Variants in JAM3 observed in about 807,000 individuals in gnomAD.
JAM3 encodes the protein junctional adhesion molecule 3, also known as junctional adhesion molecule C.
A neutral mutation model predicts 39.4 loss-of-function variants in JAM3; 31 were observed. The ratio of observed to expected loss-of-function variants is 0.79; its 90% CI spans 0.59 to 1.06. JAM3 has a LOEUF of 1.06. Ranked by LOEUF, JAM3 falls within the 50% of genes least tolerant of loss-of-function variation. The probability of loss-of-function intolerance (pLI) is 0.00; values close to 1 mark genes in which losing one functional copy is unlikely to be tolerated. For synonymous variants in JAM3, 182 were observed against 148.7 expected (o/e 1.22, Z -1.63); for missense variants, 455 against 391.4 (o/e 1.16, Z -1.37).
chr11:134,125,256 T>C (rs1394587444), intron 1 of JAM3, among the ~76,000 whole-genome samples: 1 of 152,206 alleles, frequency 6.6e-6, no homozygotes, highest in Non-Finnish European at 1.5e-5. Flanking sequence ...ACATCTTCCC[T>C]GGAAGGAAGA....
intron 1 of JAM3, among the ~76,000 whole-genome samples, chr11:134,134,608 C>A (rs1483276912): frequency 6.6e-6 from 1 of 152,110 alleles, no homozygotes; most frequent in Non-Finnish European, 1.5e-5. Flanking sequence ...GGTGGCTGCA[C>A]CATTTTACAT....
intron 1 of JAM3, among the ~76,000 whole-genome samples, chr11:134,098,555 T>C (rs993598938): frequency 5.9e-5 from 9 of 152,180 alleles, no homozygotes; most frequent in Non-Finnish European, 1.5e-5. Context: ...TAGATACTCA[T>C]TCTCTGTAGT....
chr11:134,134,667 T>G (rs470680), intron 1 of JAM3, among the ~76,000 whole-genome samples: 68,088 of 151,930 alleles, frequency 0.45, 18,161 homozygotes, highest in African/African-American at 0.76. Flanking sequence ...CCTCACCAAC[T>G]CTTATTATTT....
chr11:134,149,239 C>T lies in JAM3; in HGVS notation c.*58C>T. On this transcript the variant is annotated 3_prime_UTR_variant, in exon 9 of 9. Transcript: ENST00000299106. ...CACGTGCACATACCTCTGCTAGAAA[C>T]TCCTGTCAAGGCAGCGAGAGCTGAT... The T allele has an allele frequency of 1.2e-6, 2 of 1,607,532 alleles. No individual in the cohort carries two copies. Among genetic ancestry groups the T allele is most frequent in the Non-Finnish European group, 1.7e-6 (2 of 1,174,338 alleles).
At position 134,130,312 on chromosome 11, in the gene JAM3, T is replaced by C. The variant is rs574349330; in HGVS notation, c.77-9539T>C. Among the ~76,000 whole-genome samples the C allele has an allele frequency of 4.1e-4, 63 of 152,166 alleles. 1 individual carries two copies. In the South Asian group the frequency reaches 0.013, roughly 31 times the overall value. ...TTTGGATTGGTGTAGATTTCTCTCA[T>C]GCCATTTGCTATATTGTATTGAAAC... On this transcript the variant is annotated intron_variant, in intron 1 of 8. Coordinates refer to ENST00000299106, the MANE Select transcript of JAM3 (RefSeq NM_032801.5).
chr11:134,144,766 T>TA (rs755520441), intron 4 of JAM3, 26 bp from the exon 5 acceptor site: 12 of 1,568,416 alleles, frequency 7.7e-6, no homozygotes, highest in Non-Finnish European at 1.0e-5. Flanking sequence ...ACTGAGATCT[T>TA]AAACACCACC....
At chr11:134,080,027 C>G (rs1941638933) in intron 1 of JAM3, among the ~76,000 whole-genome samples, 1 of 151,938 alleles carries the variant, frequency 6.6e-6, no homozygotes. Flanking sequence ...GCTTTACTTA[C>G]TAGATCTAGT....
intron 1 of JAM3, among the ~76,000 whole-genome samples, chr11:134,085,441 A>G (rs12363949): frequency 0.067 from 10,216 of 152,270 alleles, 381 homozygotes; most frequent in African/African-American, 0.085. Flanking sequence ...GAGACTAAGG[A>G]ATTAATAAAC....
chr11:134,118,713 A>G (rs896044723), intron 1 of JAM3, among the ~76,000 whole-genome samples: 14 of 152,186 alleles, frequency 9.2e-5, no homozygotes, highest in Non-Finnish European at 1.6e-4. Context: ...GAAAGTGTAT[A>G]TAAGACCCAG....
chr11:134,123,547 T>C (rs1235590563), intron 1 of JAM3, among the ~76,000 whole-genome samples: 1 of 152,254 alleles, frequency 6.6e-6, no homozygotes, highest in Non-Finnish European at 1.5e-5. Context: ...TTCAAAATAA[T>C]TCAATCCTGG....
Position 134,128,252 on chromosome 11 carries a change from T to TA in JAM3, c.77-11599_77-11598insA, listed in dbSNP as rs561974740. 4.6e-5 allele frequency among the ~76,000 whole-genome samples: 7 copies of TA among 152,348 alleles called. No individual in the cohort carries two copies. The East Asian group carries it at 1.3e-3, about 29-fold the overall frequency. ...GGTTTTAGAAATCCTTTGTTATTTC[T>TA]GCTCACCTGCAGAGACAGCCCTCCT... On this transcript the variant is annotated intron_variant, in intron 1 of 8. Coordinates refer to ENST00000299106, the MANE Select transcript of JAM3 (RefSeq NM_032801.5).
At chr11:134,091,690 G>T (rs538909731) in intron 1 of JAM3, among the ~76,000 whole-genome samples, 4 of 152,124 alleles carry the variant, frequency 2.6e-5, no homozygotes, top group African/African-American at 9.6e-5. Context: ...AAGTGGAGGG[G>T]CAGAGACAAG....
At chr11:134,130,135 C>T (rs1942740872) in intron 1 of JAM3, among the ~76,000 whole-genome samples, 1 of 152,170 alleles carries the variant, frequency 6.6e-6, no homozygotes, top group African/African-American at 2.4e-5. Context: ...CTACCTAGTT[C>T]TGGATTGAAA....
intron 1 of JAM3, among the ~76,000 whole-genome samples, chr11:134,097,024 T>A (rs1193261150): frequency 1.3e-5 from 2 of 151,966 alleles, no homozygotes; most frequent in African/African-American, 2.4e-5. Flanking sequence ...TGTTTTGGGG[T>A]TGTGGAAGAG....
Position 134,150,929 on chromosome 11 carries a change from A to G in JAM3, c.*1748A>G, listed in dbSNP as rs1943208720. The G allele has an allele frequency of 6.6e-6, 1 of 152,196 alleles. No homozygotes were observed. Among genetic ancestry groups the G allele is most frequent in the African/African-American group, 2.4e-5 (1 of 41,446 alleles). 9.4% of individuals were successfully genotyped at this position (152,196 alleles called of 1,614,324 possible). A position where few individuals can be genotyped will look rare whatever the true frequency, so the allele number is the denominator to read the frequency against. On this transcript the variant is annotated 3_prime_UTR_variant, in exon 9 of 9. Coordinates refer to ENST00000299106, the MANE Select transcript of JAM3 (RefSeq NM_032801.5). ...CGCCTGAATCAAAAGCAGTTTTCTAATTTTGACTTTAAATTTTTCATCCGC... is the reference window on the plus strand; with the variant it reads ...CGCCTGAATCAAAAGCAGTTTTCTAGTTTTGACTTTAAATTTTTCATCCGC...
At chr11:134,105,585 TTG>T (rs1424762583) in intron 1 of JAM3, among the ~76,000 whole-genome samples, 3 of 152,158 alleles carry the variant, frequency 2.0e-5, no homozygotes, top group African/African-American at 7.2e-5. Flanking sequence ...GATGACATGA[TTG>T]TATATTTAGA....
At chr11:134,107,466 G>T (rs531071700) in intron 1 of JAM3, among the ~76,000 whole-genome samples, 4 of 151,742 alleles carry the variant, frequency 2.6e-5, no homozygotes, top group South Asian at 2.1e-4. Flanking sequence ...ATGTACCCTA[G>T]AACATAAAGT....
intron 1 of JAM3, among the ~76,000 whole-genome samples, chr11:134,071,072 G>T (rs571083349): frequency 6.6e-6 from 1 of 152,026 alleles, no homozygotes; most frequent in Non-Finnish European, 1.5e-5. Flanking sequence ...TGACTACTGT[G>T]TCCTTTTTAT....
chr11:134,096,405 G>T (rs1862039310), intron 1 of JAM3, among the ~76,000 whole-genome samples: 1 of 152,188 alleles, frequency 6.6e-6, no homozygotes, highest in Admixed American at 6.5e-5. Context: ...GTCTGGATTG[G>T]CACCATGGAT....
Sources: gnomAD v4.1 joint callset for allele counts (sites outside exome capture counted in the v4.1 genomes callset) on GRCh38, gnomAD v4.1.1 for gene constraint, MANE v1.5 for transcripts, NCBI Gene and HGNC (gene_info 2026-07-23, HGNC 2026-07-21) for gene names.